Variants in RELN observed in about 807,000 individuals in gnomAD.
RELN encodes the protein reelin.
Under a neutral mutation model 427.6 loss-of-function variants are expected in RELN, and 108 were observed. The ratio of observed to expected loss-of-function variants is 0.25; its 90% CI spans 0.22 to 0.30. The LOEUF (loss-of-function observed/expected upper bound fraction) is 0.30. Among genes scored for constraint, RELN ranks in the 10% least tolerant of loss-of-function variants. The pLI is 1.00. For missense variants in RELN, 3,715 were observed against 4,302.8 expected (o/e 0.86, Z 3.82); for synonymous variants, 1,524 against 1,513.4 (o/e 1.01, Z -0.16).
intron 49 of RELN, among the ~76,000 whole-genome samples, chr7:103,518,480 A>T (rs1419254025): frequency 7.0e-6 from 1 of 141,920 alleles, no homozygotes; most frequent in African/African-American, 2.9e-5. Context: ...CTACAGGCAC[A>T]TGCCACCACA....
intron 49 of RELN, 67 bp downstream of exon 49, chr7:103,519,256 G>T: frequency 7.9e-7 from 1 of 1,265,194 alleles, no homozygotes; most frequent in Non-Finnish European, 1.2e-6. Context: ...TCAGTCTCCC[G>T]TGACTGATTG....
chr7:103,927,713 A>C (rs766611690), intron 1 of RELN, among the ~76,000 whole-genome samples: 18 of 152,188 alleles, frequency 1.2e-4, no homozygotes, highest in Non-Finnish European at 2.4e-4. Context: ...ATTTCTTAAA[A>C]TAACAGAATA....
chr7:103,647,325 A>G (rs1027226510), intron 16 of RELN, among the ~76,000 whole-genome samples: 4 of 152,062 alleles, frequency 2.6e-5, no homozygotes, highest in Non-Finnish European at 4.4e-5. Context: ...AAATTCTCTC[A>G]AAGACTCCTA....
Position 103,989,586 on chromosome 7 carries a change from C to A in RELN, c.-230G>T. The A allele has an allele frequency of 2.6e-6, 1 of 387,480 alleles. No homozygotes were observed. Among genetic ancestry groups the A allele is most frequent in the South Asian group, 1.0e-4 (1 of 9,844 alleles). The allele number at this position is 387,480 out of a possible 1,614,324, so 24.0% of individuals were successfully genotyped here. Reference sequence around the variant, plus strand: ...GGGAGCGCGGGACCGGGGCTGCGGGCGCCGAGAGCGCGTCGTCTGCCGCCT... The same window carrying A: ...GGGAGCGCGGGACCGGGGCTGCGGGAGCCGAGAGCGCGTCGTCTGCCGCCT... On this transcript the variant is annotated 5_prime_UTR_variant, in exon 1 of 65. Coordinates refer to ENST00000428762, the MANE Select transcript of RELN (RefSeq NM_005045.4). The surrounding 1 kb of genome is among the most constrained non-coding windows in gnomAD (Gnocchi z 4.9).
intron 3 of RELN, among the ~76,000 whole-genome samples, chr7:103,793,766 A>G (rs186215579): frequency 2.6e-5 from 4 of 152,232 alleles, no homozygotes; most frequent in Admixed American, 2.6e-4. Context: ...CATTTTGCTA[A>G]ACAGAAGGTT....
At chr7:103,794,785 G>A (rs112844395) in intron 3 of RELN, among the ~76,000 whole-genome samples, 6 of 152,004 alleles carry the variant, frequency 3.9e-5, no homozygotes, top group East Asian at 1.9e-4. Context: ...AGCAGCACCT[G>A]TAGCACCACT....
chr7:103,600,478 A>T (rs1449341442), intron 24 of RELN, among the ~76,000 whole-genome samples: 1 of 152,084 alleles, frequency 6.6e-6, no homozygotes, highest in Non-Finnish European at 1.5e-5. Flanking sequence ...TCATAGTGAG[A>T]GCTGGCCTGC....
At chr7:103,545,873 C>T (rs1177840058) in intron 41 of RELN, among the ~76,000 whole-genome samples, 4 of 152,040 alleles carry the variant, frequency 2.6e-5, no homozygotes, top group South Asian at 4.1e-4. Context: ...TGACCTCAGG[C>T]GATCCGCCCA....
chr7:103,755,604 T>G (rs1319529311), intron 4 of RELN, among the ~76,000 whole-genome samples: 1 of 82,780 alleles, frequency 1.2e-5, no homozygotes, highest in African/African-American at 5.3e-5. Flanking sequence ...CGAGACTCTG[T>G]CTCAAAAAAA....
chr7:103,474,497 T>C (rs1386166130), intron 64 of RELN, among the ~76,000 whole-genome samples: 1 of 152,102 alleles, frequency 6.6e-6, no homozygotes, highest in Non-Finnish European at 1.5e-5. Context: ...CATGTGACAA[T>C]ATTACATGTA....
rs57161790 is a variant in RELN at position 103,486,451 on chromosome 7, G to C, written c.9764-35C>G. On this transcript the variant is annotated intron_variant, in intron 60 of 64. Coordinates refer to ENST00000428762, the MANE Select transcript of RELN (RefSeq NM_005045.4). ...AAGGAGCAGTCACAGAAATTAAGTG[G>C]ACCAACCAGAGTCATTCAAGATTAA... 4,327 of 1,481,830 alleles carry C rather than the reference G, an allele frequency of 2.9e-3. 110 individuals carry two copies. The African/African-American group carries it at 0.052, about 18-fold the overall frequency. 91.8% of individuals were successfully genotyped at this position (1,481,830 alleles called of 1,614,324 possible). A position where few individuals can be genotyped will look rare whatever the true frequency, so the allele number is the denominator to read the frequency against.
chr7:103,939,227 G>T (rs1040705444), intron 1 of RELN, among the ~76,000 whole-genome samples: 1 of 152,132 alleles, frequency 6.6e-6, no homozygotes, highest in Non-Finnish European at 1.5e-5. Flanking sequence ...GGGATTACAG[G>T]TGTGAGCCAC....
Position 103,472,830 on chromosome 7 carries a change from T to A in RELN, c.10365A>T (p.Ser3455=). Reference sequence around the variant, plus strand: ...TGATTCTTCATGGGTATCGCCTAAGTGACCTTCGTCTTCTGTTGTAGAAAT... The same window carrying A: ...TGATTCTTCATGGGTATCGCCTAAGAGACCTTCGTCTTCTGTTGTAGAAAT... ...LRHFYNRRRR[S]LRRYP is the part of the protein sequence containing the mutation. Residue 3455 remains serine, a synonymous_variant, in exon 65 of 65, where the codon TCA becomes TCT. Coordinates refer to ENST00000428762, the MANE Select transcript of RELN (RefSeq NM_005045.4). 6.2e-7 allele frequency: 1 copy of A among 1,613,874 alleles called. No homozygotes were observed. The highest frequency in any genetic ancestry group is 8.5e-7 in the Non-Finnish European group (1 of 1,179,732).
intron 31 of RELN, among the ~76,000 whole-genome samples, chr7:103,567,331 C>T (rs1830775537): frequency 6.6e-6 from 1 of 152,240 alleles, no homozygotes; most frequent in African/African-American, 2.4e-5. Flanking sequence ...ATTAGTCTGA[C>T]TTTCGTTTCT....
Position 103,824,899 on chromosome 7 carries a change from G to A in RELN, c.473+8638C>T, listed in dbSNP as rs1377555995. 6.6e-6 allele frequency among the ~76,000 whole-genome samples: 1 copy of A among 151,928 alleles called. No individual in the cohort carries two copies. The highest frequency in any genetic ancestry group is 2.4e-5 in the African/African-American group (1 of 41,364). On this transcript the variant is annotated intron_variant, in intron 3 of 64. Coordinates refer to ENST00000428762, the MANE Select transcript of RELN (RefSeq NM_005045.4). This position sits in a 1 kb window ranked among gnomAD's most constrained non-coding sequence, Gnocchi z 4.4. ...TAATTTTTAAAAGAAATATAGAGTG[G>A]TAGTATAGGATGGTGGTTTAAAGAA... is the stretch of plus-strand genomic sequence containing the variant.
At chr7:103,618,752 CT>C (rs1832142370) in intron 20 of RELN, among the ~76,000 whole-genome samples, 1 of 152,168 alleles carries the variant, frequency 6.6e-6, no homozygotes, top group Non-Finnish European at 1.5e-5. Context: ...GGGCTAGAAT[CT>C]TAAAGCTAGA....
chr7:103,870,190 A>G (rs1040874357), intron 2 of RELN, among the ~76,000 whole-genome samples: 4 of 152,040 alleles, frequency 2.6e-5, no homozygotes, highest in Admixed American at 6.6e-5. Context: ...CTTTGTACCT[A>G]TGTATAATAT....
chr7:103,590,564 AT>A (rs58774158), intron 27 of RELN, among the ~76,000 whole-genome samples: 90,382 of 148,152 alleles, frequency 0.61, 27,381 homozygotes, highest in East Asian at 0.67. Flanking sequence ...CATCTCAACA[AT>A]AAATAAATAA....
chr7:103,656,540 T>C (rs1833026876), intron 12 of RELN, among the ~76,000 whole-genome samples: 3 of 152,076 alleles, frequency 2.0e-5, no homozygotes, highest in Non-Finnish European at 4.4e-5. Flanking sequence ...AGCAGTGAGT[T>C]ACAGGGTGAA....
Sources: gnomAD v4.1 joint callset for allele counts (sites outside exome capture counted in the v4.1 genomes callset) on GRCh38, gnomAD v4.1.1 for gene constraint, Gnocchi (gnomAD v3.1) non-coding constraint, MANE v1.5 for transcripts, NCBI Gene and HGNC (gene_info 2026-07-23, HGNC 2026-07-21) for gene names.